RELN: variants seen among roughly 807,000 people sequenced by gnomAD.
RELN encodes reelin.
A neutral mutation model predicts 427.6 loss-of-function variants in RELN; 108 were observed. That is an observed-to-expected ratio of 0.25 (90% CI 0.22 to 0.30). RELN has a LOEUF of 0.30. Among genes scored for constraint, RELN ranks in the 10% least tolerant of loss-of-function variants. The pLI is 1.00. For synonymous variants in RELN, 1,524 were observed against 1,513.4 expected (o/e 1.01, Z -0.16); for missense variants, 3,715 against 4,302.8 (o/e 0.86, Z 3.82).
rs1393269057 is a variant in RELN, at chr7:103,989,646, C to A, written c.-290G>T. ...GCCGCCGCCTCTGCGCGACGCCCCT[C>A]GGCCAGGCCTGGGAAAGCGCCCGCC... On this transcript the variant is annotated 5_prime_UTR_variant, in exon 1 of 65. Coordinates refer to ENST00000428762, the MANE Select transcript of RELN (RefSeq NM_005045.4). This position sits in a 1 kb window ranked among gnomAD's most constrained non-coding sequence, Gnocchi z 4.9. 2 of 318,584 alleles carry A rather than the reference C, an allele frequency of 6.3e-6. No individual in the cohort carries two copies. Among genetic ancestry groups the A allele is most frequent in the Non-Finnish European group, 1.1e-5 (2 of 180,242 alleles). The allele number at this position is 318,584 out of a possible 1,614,324, so 19.7% of individuals were successfully genotyped here.
chr7:103,578,887 G>C (rs1831063760), intron 28 of RELN, among the ~76,000 whole-genome samples: 1 of 152,120 alleles, frequency 6.6e-6, no homozygotes, highest in Non-Finnish European at 1.5e-5. Context: ...AGTAGAATGT[G>C]GAACAATGAT....
chr7:103,989,339 C>G lies in RELN; in HGVS notation c.18G>C (p.Trp6Cys), dbSNP rs1797174443. The change falls in exon 1 of 65, where the codon TGG becomes TGC. Residue 6 changes from tryptophan to cysteine, a missense_variant. Transcript: ENST00000428762. This position sits in a 1 kb window ranked among gnomAD's most constrained non-coding sequence, Gnocchi z 4.9. MERSG[W>C]ARQTFLLALL... ...GCGCTAGGAGGAAAGTCTGCCGGGC[C>G]CAGCCACTGCGCTCCATGCCGCCGC... The G allele has an allele frequency of 6.4e-7, 1 of 1,556,550 alleles. No homozygotes were observed. Among genetic ancestry groups the G allele is most frequent in the East Asian group, 2.5e-5 (1 of 39,864 alleles).
chr7:103,831,904 G>A (rs960691805), intron 3 of RELN, among the ~76,000 whole-genome samples: 4 of 152,092 alleles, frequency 2.6e-5, no homozygotes, highest in South Asian at 4.1e-4. Context: ...AAGGAAAAAC[G>A]GGCGAGAGGT....
chr7:103,787,775 T>C (rs1008948475), intron 3 of RELN, among the ~76,000 whole-genome samples: 1 of 152,180 alleles, frequency 6.6e-6, no homozygotes, highest in African/African-American at 2.4e-5. Context: ...GCTGGTACCA[T>C]TCCTTCTGAA....
At chr7:103,487,545 G>C (rs2116990919) in intron 60 of RELN, among the ~76,000 whole-genome samples, 1 of 150,080 alleles carries the variant, frequency 6.7e-6, no homozygotes, top group African/African-American at 2.4e-5. Context: ...TATATTGTTG[G>C]AAAAAAAATC....
intron 54 of RELN, 54 bp from the exon 55 acceptor site, chr7:103,497,980 A>G (rs979688673): frequency 5.6e-6 from 9 of 1,600,200 alleles, no homozygotes; most frequent in Non-Finnish European, 7.7e-6. Flanking sequence ...CAAATACTCT[A>G]CTCAAGTCCT....
intron 6 of RELN, among the ~76,000 whole-genome samples, chr7:103,736,684 A>G (rs1484350357): frequency 6.6e-6 from 1 of 152,186 alleles, no homozygotes; most frequent in East Asian, 1.9e-4. Flanking sequence ...ACTATGGTAA[A>G]TTCCACTACA....
At chr7:103,633,197 A>T (rs1832508592) in intron 19 of RELN, among the ~76,000 whole-genome samples, 1 of 152,126 alleles carries the variant, frequency 6.6e-6, no homozygotes. Context: ...TAATTTATGA[A>T]TCACACTTCA....
At chr7:103,899,437 T>C (rs1795034009) in intron 2 of RELN, among the ~76,000 whole-genome samples, 2 of 152,176 alleles carry the variant, frequency 1.3e-5, no homozygotes, top group African/African-American at 4.8e-5. Flanking sequence ...CCCTAACTCA[T>C]TTTATGAGGC....
intron 48 of RELN, 45 bp downstream of exon 48, chr7:103,521,977 A>G: frequency 6.3e-7 from 1 of 1,595,064 alleles, no homozygotes; most frequent in South Asian, 1.1e-5. Flanking sequence ...ATTTGGAAGG[A>G]ACTTAAGAAG....
Position 103,505,878 on chromosome 7 carries a change from G to A in RELN, c.8275-2648C>T, listed in dbSNP as rs146411241. 5.0e-3 allele frequency among the ~76,000 whole-genome samples: 769 copies of A among 152,292 alleles called. 6 individuals carry two copies. The highest frequency in any genetic ancestry group is 0.017 in the African/African-American group (701 of 41,556). ...GAGGGACTGCTAACTAGAATAACCA[G>A]TTTAGAGAAGAATATAAATGACCTG... is the stretch of plus-strand genomic sequence containing the variant. On this transcript the variant is annotated intron_variant, in intron 51 of 64. Coordinates refer to ENST00000428762, the MANE Select transcript of RELN (RefSeq NM_005045.4).
chr7:103,901,659 T>C (rs557229890), intron 2 of RELN, among the ~76,000 whole-genome samples: 7 of 152,036 alleles, frequency 4.6e-5, no homozygotes, highest in Non-Finnish European at 1.0e-4. Context: ...AGGTCACATG[T>C]TGTATGTTTC....
intron 3 of RELN, among the ~76,000 whole-genome samples, chr7:103,811,617 C>T (rs1199689128): frequency 1.3e-5 from 2 of 152,166 alleles, no homozygotes; most frequent in African/African-American, 2.4e-5. Context: ...AATAACAAGT[C>T]ATTAATTCAC....
intron 11 of RELN, among the ~76,000 whole-genome samples, chr7:103,678,318 A>T (rs1833582183): frequency 1.3e-5 from 2 of 152,108 alleles, no homozygotes; most frequent in Admixed American, 6.6e-5. Flanking sequence ...TAATTAAATG[A>T]TGTGTTTGTA....
chr7:103,829,633 A>G (rs1310902162), intron 3 of RELN, among the ~76,000 whole-genome samples: 1 of 151,852 alleles, frequency 6.6e-6, no homozygotes, highest in African/African-American at 2.4e-5. Flanking sequence ...CTATATCCTG[A>G]AATCATCCTC....
intron 2 of RELN, among the ~76,000 whole-genome samples, chr7:103,865,693 C>A (rs563378352): frequency 6.6e-6 from 1 of 152,120 alleles, no homozygotes; most frequent in East Asian, 1.9e-4. Context: ...TGACAAAATC[C>A]GAAATTCTTT....
chr7:103,732,440 AT>A (rs1206738071), intron 6 of RELN, among the ~76,000 whole-genome samples: 3 of 152,042 alleles, frequency 2.0e-5, no homozygotes, highest in Non-Finnish European at 4.4e-5. Context: ...TCTTCCTAAT[AT>A]TTTTTTCTAT....
chr7:103,857,557 C>T (rs891064830), intron 2 of RELN, among the ~76,000 whole-genome samples: 12 of 152,188 alleles, frequency 7.9e-5, no homozygotes, highest in Middle Eastern at 3.2e-3. Flanking sequence ...CAGAGAGCTG[C>T]GAATTCACCT....
In RELN at chr7:103,697,866, C is replaced by T. The variant is rs866650070; in HGVS notation, c.1130G>A (p.Gly377Glu). 6.2e-7 allele frequency: 1 copy of T among 1,613,622 alleles called. No individual in the cohort carries two copies. Among genetic ancestry groups the T allele is most frequent in the South Asian group, 1.1e-5 (1 of 91,074 alleles). ...AAGAGCTCTAACCTTAACTGTAGCTCCTGGGAAGAAAAGCCAGTTGCCTGT... is the reference window on the plus strand; with the variant it reads ...AAGAGCTCTAACCTTAACTGTAGCTTCTGGGAAGAAAAGCCAGTTGCCTGT... ...VDTGNWLFFP[G>E]ATVKHSCQSD... is the part of the protein sequence containing the mutation. The change falls in exon 10 of 65, where the codon GGA becomes GAA. Residue 377 changes from glycine (G) to glutamate (E), a missense_variant. Gly to Glu is a moderately conservative substitution (Grantham distance 98). This residue lies in a region of RELN where 2,208 missense variants were observed against 2,361.7 expected (regional missense o/e 0.93). Transcript: ENST00000428762.
Sources: gnomAD v4.1 joint callset for allele counts (sites outside exome capture counted in the v4.1 genomes callset) on GRCh38, gnomAD v4.1.1 for gene constraint, gnomAD v4.1.1 regional missense constraint, Gnocchi (gnomAD v3.1) non-coding constraint, MANE v1.5 for transcripts, NCBI Gene and HGNC (gene_info 2026-07-23, HGNC 2026-07-21) for gene names.